The following KAZN variants were observed in gnomAD, a reference collection of about 807,000 sequenced individuals.
KAZN encodes the protein kazrin.
A neutral mutation model predicts 87.4 loss-of-function variants in KAZN; 40 were observed. That is an observed-to-expected ratio of 0.46 (90% CI 0.36 to 0.60). The LOEUF is 0.60. Among genes scored for constraint, KAZN ranks in the 20% least tolerant of loss-of-function variants. The pLI, the probability that KAZN is intolerant of heterozygous loss-of-function variation, is 0.00. For synonymous variants in KAZN, 466 were observed against 458.3 expected (o/e 1.02, Z -0.22); for missense variants, 898 against 1,073.9 (o/e 0.84, Z 2.29).
chr1:14,784,126 G>C (rs765839911), intron 1 of KAZN, among the ~76,000 whole-genome samples: 2 of 152,186 alleles, frequency 1.3e-5, no homozygotes, highest in Non-Finnish European at 2.9e-5. Flanking sequence ...TCTTGGTCAG[G>C]CAGGGGTGAA....
chr1:14,330,754 G>T (rs1656794570), intron 2 of KAZN, among the ~76,000 whole-genome samples: 1 of 152,116 alleles, frequency 6.6e-6, no homozygotes, highest in Admixed American at 6.5e-5. Context: ...AAGCATGAAT[G>T]CGTGGGGGGT....
chr1:14,633,462 C>T (rs1679731648), intron 1 of KAZN, among the ~76,000 whole-genome samples: 1 of 152,130 alleles, frequency 6.6e-6, no homozygotes, highest in African/African-American at 2.4e-5. Flanking sequence ...GTGGGTGCCT[C>T]TAGAAGCCGG....
At chr1:14,170,143 T>G (rs1408623509) in intron 1 of KAZN, among the ~76,000 whole-genome samples, 4 of 152,274 alleles carry the variant, frequency 2.6e-5, no homozygotes, top group Admixed American at 2.6e-4. Context: ...GTTCATCAGC[T>G]CTCAAACCCC....
chr1:14,655,551 C>T (rs1208610461), intron 1 of KAZN, among the ~76,000 whole-genome samples: 2 of 152,124 alleles, frequency 1.3e-5, no homozygotes, highest in East Asian at 1.9e-4. Context: ...AATCACCAGC[C>T]GTCAGAATTG....
intron 2 of KAZN, among the ~76,000 whole-genome samples, chr1:14,198,894 G>C (rs1646582769): frequency 6.6e-6 from 1 of 152,134 alleles, no homozygotes; most frequent in African/African-American, 2.4e-5. Flanking sequence ...CCAGCCAGTA[G>C]GTGGCAAAGC....
At chr1:14,406,376 T>A (rs1663854639) in intron 2 of KAZN, among the ~76,000 whole-genome samples, 1 of 152,194 alleles carries the variant, frequency 6.6e-6, no homozygotes, top group African/African-American at 2.4e-5. Context: ...AAGAATGAGT[T>A]AATGGCATTT....
intron 2 of KAZN, among the ~76,000 whole-genome samples, chr1:14,277,137 A>G (rs544424224): frequency 3.8e-4 from 58 of 152,328 alleles, no homozygotes; most frequent in African/African-American, 1.4e-3. Context: ...TAGAGAAAAT[A>G]ATATAAAGAA....
At chr1:14,074,314 T>C (rs986348969) in intron 1 of KAZN, among the ~76,000 whole-genome samples, 2 of 152,104 alleles carry the variant, frequency 1.3e-5, no homozygotes, top group African/African-American at 4.8e-5. Context: ...CAACCCTGAC[T>C]CTGTGCCACC....
intron 2 of KAZN, among the ~76,000 whole-genome samples, chr1:14,330,293 G>A (rs1398339325): frequency 6.6e-6 from 1 of 152,154 alleles, no homozygotes; most frequent in African/African-American, 2.4e-5. Flanking sequence ...ATAAGCTACT[G>A]CCCATTTCTC....
chr1:14,673,072 C>T (rs541907920), intron 1 of KAZN, among the ~76,000 whole-genome samples: 54 of 152,332 alleles, frequency 3.5e-4, no homozygotes, highest in African/African-American at 1.0e-3. Context: ...CAAAGATCAG[C>T]GTGGCCCAAA....
Position 13,926,635 on chromosome 1 carries a change from G to A in KAZN, c.91+32879G>A, listed in dbSNP as rs575431216. Among the ~76,000 whole-genome samples the A allele has an allele frequency of 2.8e-5, 4 of 142,976 alleles. No homozygotes were observed. The South Asian group carries it at 9.1e-4, about 33-fold the overall frequency. 93.8% of individuals were successfully genotyped at this position (142,976 alleles called of 152,430 possible). A position where few individuals can be genotyped will look rare whatever the true frequency, so the allele number is the denominator to read the frequency against. On this transcript the variant is annotated intron_variant, in intron 1 of 16. Coordinates refer to the KAZN transcript ENST00000636203. ...CCAGGCAATGAAAATAAGAAAGGAA[G>A]ATTTATCTTTAAGAGTTAAAAAAAA...
chr1:14,792,257 G>GC (rs1645695874), intron 1 of KAZN, among the ~76,000 whole-genome samples: 1 of 152,176 alleles, frequency 6.6e-6, no homozygotes, highest in African/African-American at 2.4e-5. Context: ...TAGCATCCCT[G>GC]CCCCCAGTCA....
intron 2 of KAZN, among the ~76,000 whole-genome samples, chr1:15,002,147 T>C (rs987353862): frequency 2.6e-5 from 4 of 152,178 alleles, no homozygotes; most frequent in Non-Finnish European, 5.9e-5. Flanking sequence ...CCCAAAGTGC[T>C]GGGATTACAG....
At chr1:15,007,919 A>C (rs1669196066) in intron 2 of KAZN, among the ~76,000 whole-genome samples, 1 of 152,214 alleles carries the variant, frequency 6.6e-6, no homozygotes, top group Non-Finnish European at 1.5e-5. Context: ...CAGCACAGGA[A>C]GGGAGCCGTG....
chr1:13,955,786 G>T (rs1641521600), intron 1 of KAZN, among the ~76,000 whole-genome samples: 1 of 152,162 alleles, frequency 6.6e-6, no homozygotes. Context: ...CCTACTATGT[G>T]AACATGACCT....
chr1:14,396,811 G>A (rs1482974819), intron 2 of KAZN, among the ~76,000 whole-genome samples: 1 of 152,102 alleles, frequency 6.6e-6, no homozygotes, highest in Non-Finnish European at 1.5e-5. Context: ...GTTTTTAGCT[G>A]TGAGATTGAA....
rs145974268 is a variant in KAZN at position 15,079,889 on chromosome 1, G to C, written c.1222+14136G>C. On this transcript the variant is annotated intron_variant, in intron 8 of 14. Transcript: ENST00000376030. ...AGGTTAGCAAGGAAGAAAGAGGAAA[G>C]CTTTTGATGTATAGATATATATGTA... is the stretch of plus-strand genomic sequence containing the variant. Among the ~76,000 whole-genome samples the C allele has an allele frequency of 1.3e-3, 193 of 152,336 alleles. 3 individuals are homozygous for C. In the East Asian group the frequency reaches 0.031, roughly 24 times the overall value.
chr1:14,425,095 A>G (rs1391082378), intron 2 of KAZN, among the ~76,000 whole-genome samples: 1 of 152,180 alleles, frequency 6.6e-6, no homozygotes, highest in East Asian at 1.9e-4. Context: ...GGATGCAGAG[A>G]GGAGGTTGGG....
chr1:14,832,705 C>A (rs1423319500), intron 1 of KAZN, among the ~76,000 whole-genome samples: 1 of 152,194 alleles, frequency 6.6e-6, no homozygotes. Context: ...GCACAGCCCA[C>A]GTGCCCTGGG....
Sources: gnomAD v4.1 joint callset for allele counts (sites outside exome capture counted in the v4.1 genomes callset) on GRCh38, gnomAD v4.1.1 for gene constraint, MANE v1.5 for transcripts, NCBI Gene and HGNC (gene_info 2026-07-23, HGNC 2026-07-21) for gene names.